The following IQCM variants were observed in gnomAD, a reference collection of about 807,000 sequenced individuals.
The protein encoded by IQCM is IQ motif containing M.
A neutral mutation model predicts 57.6 loss-of-function variants in IQCM; 45 were observed. The ratio of observed to expected loss-of-function variants is 0.78; its 90% CI spans 0.62 to 1.00. The LOEUF is 1.00. Among genes scored for constraint, IQCM ranks in the 50% least tolerant of loss-of-function variants. The pLI is 0.00. For synonymous variants in IQCM, 148 were observed against 158.9 expected (o/e 0.93, Z 0.51); for missense variants, 468 against 511.6 (o/e 0.91, Z 0.82).
intron 9 of IQCM, among the ~76,000 whole-genome samples, chr4:149,568,159 G>A (rs74945387): frequency 0.021 from 3,165 of 152,180 alleles, 116 homozygotes; most frequent in African/African-American, 0.072. Context: ...AGACATGGAA[G>A]TCCCCTCTCT....
chr4:149,602,048 A>AG (rs1472774643), intron 8 of IQCM, among the ~76,000 whole-genome samples: 6 of 151,608 alleles, frequency 4.0e-5, no homozygotes, highest in African/African-American at 1.4e-4. Context: ...AAAAAAAAAA[A>AG]AAAAAAAGAA....
rs1450663792 is a variant in IQCM at position 149,641,276 on chromosome 4, A to G, written c.566-20032T>C. ...TTATTTAATGTTTTTCTCTACATCT[A>G]TTTATTAATTCTGATTGAAATTACT... is the stretch of plus-strand genomic sequence containing the variant. On this transcript the variant is annotated intron_variant, in intron 7 of 13. Coordinates refer to ENST00000636793, the MANE Select transcript of IQCM (RefSeq NM_001363507.2). Among the ~76,000 whole-genome samples the G allele has an allele frequency of 2.0e-5, 3 of 152,178 alleles. No individual in the cohort carries two copies. The East Asian group carries it at 5.8e-4, about 29-fold the overall frequency.
At position 149,368,657 on chromosome 4, in the gene IQCM, CT is replaced by C. The variant is rs1409473475; in HGVS notation, c.1391-16592del. On this transcript the variant is annotated intron_variant, in intron 13 of 13. Transcript: ENST00000636793. Reference sequence around the variant, plus strand: ...GAATTTGAAATTCCTCATCATATTTCTTTTTTTGAGGCTTTAAGGGGAATGA... The same window carrying C: ...GAATTTGAAATTCCTCATCATATTTCTTTTTTGAGGCTTTAAGGGGAATGA... Among the ~76,000 whole-genome samples the C allele has an allele frequency of 2.7e-5, 4 of 149,056 alleles. No homozygotes were observed. In the Admixed American group the frequency reaches 2.7e-4, roughly 10 times the overall value.
intron 12 of IQCM, among the ~76,000 whole-genome samples, chr4:149,476,717 G>GA (rs112787675): frequency 1.4e-4 from 21 of 152,120 alleles, no homozygotes; most frequent in African/African-American, 4.8e-4. Flanking sequence ...AGCTCTAGGG[G>GA]AAAAAATGCT....
chr4:149,681,575 C>G (rs1762180113), intron 7 of IQCM, among the ~76,000 whole-genome samples: 1 of 151,064 alleles, frequency 6.6e-6, no homozygotes, highest in South Asian at 2.1e-4. Context: ...GTTTATTCAG[C>G]AAATTTTTAA....
intron 8 of IQCM, among the ~76,000 whole-genome samples, chr4:149,616,393 G>A (rs956487638): frequency 5.9e-5 from 9 of 152,108 alleles, no homozygotes; most frequent in East Asian, 1.9e-4. Context: ...TCAAATTAAC[G>A]AAAACAGAAA....
intron 12 of IQCM, among the ~76,000 whole-genome samples, chr4:149,535,848 A>C (rs1276643753): frequency 6.6e-6 from 1 of 152,042 alleles, no homozygotes; most frequent in East Asian, 1.9e-4. Flanking sequence ...GAGGGGAAGA[A>C]AAAGCCTTTC....
chr4:149,375,150 A>G (rs1730626467), intron 13 of IQCM, among the ~76,000 whole-genome samples: 1 of 152,180 alleles, frequency 6.6e-6, no homozygotes, highest in Non-Finnish European at 1.5e-5. Context: ...ACTCAGCTGC[A>G]AACTAAAATA....
chr4:149,624,203 C>T (rs1016978346), intron 7 of IQCM, among the ~76,000 whole-genome samples: 3 of 151,722 alleles, frequency 2.0e-5, no homozygotes, highest in East Asian at 1.9e-4. Flanking sequence ...GATTAGAACC[C>T]GATTTGGCAT....
chr4:149,362,989 T>C (rs1033030430), intron 13 of IQCM, among the ~76,000 whole-genome samples: 5 of 152,234 alleles, frequency 3.3e-5, no homozygotes, highest in African/African-American at 1.2e-4. Context: ...GTTTTGACTT[T>C]CCACTCTCTT....
At chr4:149,404,222 G>A (rs1033442980) in intron 13 of IQCM, among the ~76,000 whole-genome samples, 23 of 151,994 alleles carry the variant, frequency 1.5e-4, no homozygotes, top group Non-Finnish European at 3.1e-4. Flanking sequence ...ACAGAACTGA[G>A]TAGATAGAGG....
At chr4:149,431,389 G>A (rs763269560) in intron 13 of IQCM, among the ~76,000 whole-genome samples, 14 of 151,804 alleles carry the variant, frequency 9.2e-5, no homozygotes, top group Non-Finnish European at 1.6e-4. Flanking sequence ...ATCTCACTGT[G>A]GTTTAATTCA....
chr4:149,598,067 G>A (rs1753942788), intron 8 of IQCM, among the ~76,000 whole-genome samples: 1 of 152,178 alleles, frequency 6.6e-6, no homozygotes, highest in Admixed American at 6.5e-5. Context: ...AAGTATGGTT[G>A]AGAGGAAGAA....
intron 12 of IQCM, among the ~76,000 whole-genome samples, chr4:149,543,804 T>C (rs986300594): frequency 1.3e-5 from 2 of 152,208 alleles, no homozygotes; most frequent in Non-Finnish European, 2.9e-5. Flanking sequence ...TTCTATATTT[T>C]CCAAATTTTC....
At chr4:149,548,245 C>T (rs2149895373) in intron 12 of IQCM, among the ~76,000 whole-genome samples, 1 of 152,282 alleles carries the variant, frequency 6.6e-6, no homozygotes, top group Non-Finnish European at 1.5e-5. Context: ...ATTGTATTAA[C>T]TTCTTTTAAC....
chr4:149,556,212 C>G (rs1387911260), intron 10 of IQCM, among the ~76,000 whole-genome samples: 7 of 151,816 alleles, frequency 4.6e-5, no homozygotes, highest in African/African-American at 1.5e-4. Flanking sequence ...TTTCTGTTAT[C>G]TTAATGGACA....
At chr4:149,612,340 G>A (rs1448606856) in intron 8 of IQCM, among the ~76,000 whole-genome samples, 1 of 152,128 alleles carries the variant, frequency 6.6e-6, no homozygotes, top group Non-Finnish European at 1.5e-5. Context: ...TCTCTACCAA[G>A]TGAAATCACT....
intron 5 of IQCM, among the ~76,000 whole-genome samples, chr4:149,692,338 C>A (rs1481331968): frequency 6.6e-6 from 1 of 152,118 alleles, no homozygotes; most frequent in Non-Finnish European, 1.5e-5. Context: ...AATATTACAC[C>A]AAACTAAGAC....
At chr4:149,511,231 T>A (rs1744378839) in intron 12 of IQCM, among the ~76,000 whole-genome samples, 1 of 152,098 alleles carries the variant, frequency 6.6e-6, no homozygotes, top group African/African-American at 2.4e-5. Context: ...TTAAAATGTA[T>A]TTTGTGGCTG....
Sources: allele counts gnomAD v4.1 joint callset (sites outside exome capture counted in the v4.1 genomes callset), GRCh38; gene constraint gnomAD v4.1.1; transcripts MANE v1.5; gene names NCBI Gene and HGNC (gene_info 2026-07-23, HGNC 2026-07-21).